Variants in ANKRD11 observed in about 807,000 individuals in gnomAD.
ANKRD11 encodes the protein ankyrin repeat domain-containing protein 11.
A neutral mutation model predicts 195.7 loss-of-function variants in ANKRD11; 17 were observed. The observed-to-expected ratio is 0.09, with a 90% CI of 0.06 to 0.13. The LOEUF is 0.13. ANKRD11 is among the 10% of genes least tolerant of loss of function. The probability of loss-of-function intolerance (pLI) is 1.00; values close to 1 mark genes in which losing one functional copy is unlikely to be tolerated. For missense variants in ANKRD11, 3,735 were observed against 3,566.1 expected, an observed-to-expected ratio of 1.05 and a Z score of -1.21; for synonymous variants, 1,953 against 1,528.1, an observed-to-expected ratio of 1.28 and a Z score of -6.49.
chr16:89,303,784 G>A (rs576578723), intron 4 of ANKRD11, among the ~76,000 whole-genome samples: 6 of 152,338 alleles, frequency 3.9e-5, no homozygotes, highest in South Asian at 4.1e-4. Context: ...GAAGCTTGCT[G>A]AGCTGTGCTG....
intron 1 of ANKRD11, among the ~76,000 whole-genome samples, chr16:89,469,442 C>CA (rs1567848760): frequency 6.6e-6 from 1 of 151,854 alleles, no homozygotes; most frequent in Non-Finnish European, 1.5e-5. Context: ...AGGATGGTGT[C>CA]AAACTCCTAA....
chr16:89,489,976 C>T (rs2057766216), intron 1 of ANKRD11, among the ~76,000 whole-genome samples: 1 of 144,996 alleles, frequency 6.9e-6, no homozygotes, highest in Non-Finnish European at 1.5e-5. Flanking sequence ...CCCGGAGCCC[C>T]CTATGGGCCC....
intron 1 of ANKRD11, among the ~76,000 whole-genome samples, chr16:89,453,781 A>G (rs1375770831): frequency 1.3e-5 from 2 of 152,198 alleles, no homozygotes; most frequent in Admixed American, 6.5e-5. Context: ...GAAGTATTAC[A>G]TGAAGGAGAA....
At chr16:89,333,536 C>T (rs968204797) in intron 2 of ANKRD11, among the ~76,000 whole-genome samples, 6 of 152,256 alleles carry the variant, frequency 3.9e-5, no homozygotes, top group Non-Finnish European at 8.8e-5. Flanking sequence ...CCCTCCCTCT[C>T]CCCAGCCCCT....
At chr16:89,314,081 G>C (rs577423325) in intron 3 of ANKRD11, among the ~76,000 whole-genome samples, 1 of 152,126 alleles carries the variant, frequency 6.6e-6, no homozygotes, top group African/African-American at 2.4e-5. Context: ...AAAATGAGCC[G>C]GGTGTAGCGG....
At chr16:89,408,866 A>G (rs1158863913) in intron 2 of ANKRD11, among the ~76,000 whole-genome samples, 1 of 152,258 alleles carries the variant, frequency 6.6e-6, no homozygotes, top group African/African-American at 2.4e-5. Context: ...AAAAGAGAAC[A>G]TAAGTGAAGA....
intron 1 of ANKRD11, among the ~76,000 whole-genome samples, chr16:89,442,501 G>A (rs938751050): frequency 1.3e-5 from 2 of 152,098 alleles, no homozygotes; most frequent in East Asian, 1.9e-4. Flanking sequence ...TCCCCCACAC[G>A]CTGTTTGTCT....
chr16:89,377,030 T>A (rs1405610602), intron 2 of ANKRD11, among the ~76,000 whole-genome samples: 2 of 152,252 alleles, frequency 1.3e-5, no homozygotes, highest in African/African-American at 4.8e-5. Flanking sequence ...CTTCCATTGA[T>A]GCTTTGTCCG....
In ANKRD11 at chr16:89,285,889, T is replaced by G. The variant is rs1347057156; in HGVS notation, c.892+150A>C. 2.4e-6 allele frequency: 3 copies of G among 1,254,516 alleles called. No homozygotes were observed. Among genetic ancestry groups the G allele is most frequent in the Non-Finnish European group, 3.4e-6 (3 of 880,280 alleles). The allele number at this position is 1,254,516 out of a possible 1,614,324, so 77.7% of individuals were successfully genotyped here. A position where few individuals can be genotyped will look rare whatever the true frequency, so the allele number is the denominator to read the frequency against. On this transcript the variant is annotated intron_variant, in intron 8 of 12. Coordinates refer to ENST00000301030, the MANE Select transcript of ANKRD11 (RefSeq NM_013275.6). This position sits in a 1 kb window ranked among gnomAD's most constrained non-coding sequence, Gnocchi z 5.6. Reference sequence around the variant, plus strand: ...GCAGGCTTCTCGGCAGTGACACACCTGGGCGGGGTCTCCCGCAGTCCAGAA... The same window carrying G: ...GCAGGCTTCTCGGCAGTGACACACCGGGGCGGGGTCTCCCGCAGTCCAGAA...
Position 89,280,548 on chromosome 16 carries a change from G to C in ANKRD11, c.5994C>G (p.Asp1998Glu), listed in dbSNP as rs745564262. The change falls in exon 9 of 13, where the codon GAC becomes GAG. Residue 1998 changes from aspartate to glutamate, a missense_variant. Coordinates refer to ENST00000301030, the MANE Select transcript of ANKRD11 (RefSeq NM_013275.6). ...PESPKRFCPA[D>E]PLHSAAPGPF... ...GCCCTGGGGCGGCAGAGTGGAGGGG[G>C]TCCGCGGGGCAGAAACGCTTTGGGG... The C allele has an allele frequency of 5.0e-6, 8 of 1,612,910 alleles. No homozygotes were observed. Among genetic ancestry groups the C allele is most frequent in the Non-Finnish European group, 6.8e-6 (8 of 1,179,880 alleles).
chr16:89,358,064 T>G (rs1019072065), intron 2 of ANKRD11, among the ~76,000 whole-genome samples: 2 of 152,208 alleles, frequency 1.3e-5, no homozygotes, highest in African/African-American at 4.8e-5. Flanking sequence ...ATGGAGGAAG[T>G]GAGTGAGGCA....
At chr16:89,348,713 GCTGT>G (rs1033650484) in intron 2 of ANKRD11, among the ~76,000 whole-genome samples, 7 of 152,200 alleles carry the variant, frequency 4.6e-5, no homozygotes, top group East Asian at 1.9e-4. Context: ...TTTCATCTCA[GCTGT>G]CTAATTTATT....
chr16:89,281,928 T>G lies in ANKRD11; in HGVS notation c.4614A>C (p.Ala1538=), dbSNP rs949665345. Residue 1538 remains alanine (A), a synonymous_variant, in exon 9 of 13, where the codon GCA becomes GCC. Coordinates refer to ENST00000301030, the MANE Select transcript of ANKRD11 (RefSeq NM_013275.6). This position sits in a 1 kb window ranked among gnomAD's most constrained non-coding sequence, Gnocchi z 5.5. ...AKLKEKFKDG[A]EKEKGDPVKM... is the part of the protein sequence containing the mutation. ...TCACTGGGTCGCCCTTTTCTTTCTC[T>G]GCACCGTCCTTGAATTTCTCCTTCA... 1 of 1,613,258 alleles carries G rather than the reference T, an allele frequency of 6.2e-7. No individual in the cohort carries two copies. The highest frequency in any genetic ancestry group is 8.5e-7 in the Non-Finnish European group (1 of 1,180,044).
intron 1 of ANKRD11, among the ~76,000 whole-genome samples, chr16:89,439,806 G>A (rs1474411369): frequency 3.3e-5 from 5 of 152,146 alleles, no homozygotes; most frequent in South Asian, 2.1e-4. Context: ...TCTGTGGAAC[G>A]TTTTCATTCC....
At chr16:89,449,930 C>T (rs1345024946) in intron 1 of ANKRD11, among the ~76,000 whole-genome samples, 1 of 152,154 alleles carries the variant, frequency 6.6e-6, no homozygotes, top group Non-Finnish European at 1.5e-5. Flanking sequence ...GCTACAGGTC[C>T]CAGCTCCTGC....
At chr16:89,431,090 C>T (rs2042958370) in intron 1 of ANKRD11, among the ~76,000 whole-genome samples, 1 of 152,142 alleles carries the variant, frequency 6.6e-6, no homozygotes, top group African/African-American at 2.4e-5. Context: ...CTCCTGTTTG[C>T]ATTCAGTGAA....
At chr16:89,363,821 G>A (rs1351228548) in intron 2 of ANKRD11, among the ~76,000 whole-genome samples, 1 of 152,108 alleles carries the variant, frequency 6.6e-6, no homozygotes, top group Non-Finnish European at 1.5e-5. Context: ...TCAGGAGGCT[G>A]CGGCAAGGAG....
At chr16:89,347,186 T>C (rs1209862566) in intron 2 of ANKRD11, among the ~76,000 whole-genome samples, 10 of 152,114 alleles carry the variant, frequency 6.6e-5, no homozygotes, top group Admixed American at 1.3e-4. Context: ...ATGAAAACAC[T>C]GCCACAGCAG....
intron 1 of ANKRD11, among the ~76,000 whole-genome samples, chr16:89,426,842 G>GT (rs138193317): frequency 6.6e-6 from 1 of 152,362 alleles, no homozygotes; most frequent in East Asian, 1.9e-4. Flanking sequence ...TTTCACTTCA[G>GT]TGTGAAGCTC....
Sources: gnomAD v4.1 joint callset for allele counts (sites outside exome capture counted in the v4.1 genomes callset) on GRCh38, gnomAD v4.1.1 for gene constraint, Gnocchi (gnomAD v3.1) non-coding constraint, MANE v1.5 for transcripts, NCBI Gene and HGNC (gene_info 2026-07-23, HGNC 2026-07-21) for gene names.